ELAVL2: variants seen among roughly 807,000 people sequenced by gnomAD.
The protein encoded by ELAVL2 is ELAV-like protein 2.
In ELAVL2, 4 loss-of-function variants were observed where a neutral mutation model predicts 34.6. The ratio of observed to expected loss-of-function variants is 0.12; its 90% CI spans 0.06 to 0.26. The LOEUF is 0.26. ELAVL2 is among the 10% of genes least tolerant of loss of function. The pLI, the probability that ELAVL2 is intolerant of heterozygous loss-of-function variation, is 1.00. For missense variants in ELAVL2, 432 were observed against 442.8 expected (o/e 0.98, Z 0.22); for synonymous variants, 193 against 154.8 (o/e 1.25, Z -1.83).
chr9:23,733,816 A>G (rs979754157), intron 2 of ELAVL2, among the ~76,000 whole-genome samples: 16 of 152,322 alleles, frequency 1.1e-4, no homozygotes, highest in African/African-American at 3.8e-4. Flanking sequence ...TTATTTAACC[A>G]AAGGTATTAT....
At chr9:23,779,478 CTGGCTTCCTTA>C (rs1394340669) in intron 1 of ELAVL2, 1 of 905,920 alleles carries the variant, frequency 1.1e-6, no homozygotes, top group Non-Finnish European at 1.3e-6. Context: ...GGGCTTCCTT[CTGGCTTCCTTA>C]GACTCAGAAA....
intron 1 of ELAVL2, among the ~76,000 whole-genome samples, chr9:23,804,756 G>T (rs1224956557): frequency 6.6e-6 from 1 of 152,148 alleles, no homozygotes; most frequent in South Asian, 2.1e-4. Flanking sequence ...CAGCAGTGTA[G>T]AGAGGGCACT....
At chr9:23,815,881 A>G (rs546861629) in intron 1 of ELAVL2, among the ~76,000 whole-genome samples, 1 of 152,304 alleles carries the variant, frequency 6.6e-6, no homozygotes, top group Admixed American at 6.5e-5. Flanking sequence ...AATGGATTTT[A>G]AAACAAACTA....
intron 3 of ELAVL2, among the ~76,000 whole-genome samples, chr9:23,717,131 T>C (rs2042515345): frequency 6.6e-6 from 1 of 152,312 alleles, no homozygotes; most frequent in East Asian, 1.9e-4. Flanking sequence ...GTACTATAAC[T>C]AGAAGAAAAA....
chr9:23,705,387 T>A (rs1266989838), intron 3 of ELAVL2, among the ~76,000 whole-genome samples: 1 of 152,194 alleles, frequency 6.6e-6, no homozygotes, highest in Non-Finnish European at 1.5e-5. Flanking sequence ...GGGTCTGGGA[T>A]CAATTTGCGG....
At chr9:23,725,729 AAAG>A (rs759139530) in intron 3 of ELAVL2, among the ~76,000 whole-genome samples, 38 of 152,302 alleles carry the variant, frequency 2.5e-4, no homozygotes, top group Non-Finnish European at 4.9e-4. Context: ...TTCAAGAGTG[AAAG>A]AAGAAGGCAA....
chr9:23,779,164 C>A, intron 1 of ELAVL2: 1 of 983,098 alleles, frequency 1.0e-6, no homozygotes, highest in Non-Finnish European at 1.2e-6. Flanking sequence ...TCATGACAAA[C>A]CACAAATTGT....
Position 23,790,688 on chromosome 9 carries a change from C to G in ELAVL2, c.-15-28439G>C, listed in dbSNP as rs1316559865. Among the ~76,000 whole-genome samples, 3 of 152,208 alleles carry G rather than the reference C, an allele frequency of 2.0e-5. No individual in the cohort carries two copies. In the East Asian group the frequency reaches 5.8e-4, roughly 29 times the overall value. ...ACTATAAACTGACTATCTAATGTAA[C>G]TAGGCATTAGCCATTCATCCCAGAG... On this transcript the variant is annotated intron_variant, in intron 1 of 6. Transcript: ENST00000397312.
intron 2 of ELAVL2, among the ~76,000 whole-genome samples, chr9:23,752,964 C>T (rs2052529342): frequency 6.6e-6 from 1 of 152,142 alleles, no homozygotes; most frequent in African/African-American, 2.4e-5. Context: ...ACACTTAGAG[C>T]AGCAAATGCT....
intron 1 of ELAVL2, chr9:23,779,214 G>T (rs2058696753): frequency 1.0e-6 from 1 of 985,424 alleles, no homozygotes; most frequent in Non-Finnish European, 1.2e-6. Context: ...GGAAGGAACT[G>T]AAGGGTAAAT....
intron 3 of ELAVL2, among the ~76,000 whole-genome samples, chr9:23,707,285 A>T (rs773374220): frequency 6.6e-6 from 1 of 152,246 alleles, no homozygotes; most frequent in Admixed American, 6.5e-5. Flanking sequence ...ATATGAATCA[A>T]TGAAAACTTA....
intron 2 of ELAVL2, among the ~76,000 whole-genome samples, chr9:23,739,405 C>A (rs2048625498): frequency 6.6e-6 from 1 of 152,120 alleles, no homozygotes; most frequent in African/African-American, 2.4e-5. Flanking sequence ...GAAAGTCATA[C>A]CTGACAGTTC....
intron 2 of ELAVL2, among the ~76,000 whole-genome samples, chr9:23,753,336 C>T (rs1329474051): frequency 3.3e-5 from 5 of 151,980 alleles, no homozygotes; most frequent in African/African-American, 1.2e-4. Flanking sequence ...CTCCAATAAT[C>T]AACTATTCTG....
At chr9:23,808,381 A>G (rs986293808) in intron 1 of ELAVL2, among the ~76,000 whole-genome samples, 36 of 152,200 alleles carry the variant, frequency 2.4e-4, no homozygotes, top group African/African-American at 8.4e-4. Context: ...TACCTAAGGT[A>G]GTATATGTGG....
intron 2 of ELAVL2, among the ~76,000 whole-genome samples, chr9:23,761,103 T>C (rs2135983595): frequency 6.6e-6 from 1 of 152,222 alleles, no homozygotes; most frequent in East Asian, 1.9e-4. Context: ...TCACACTGCC[T>C]TTAAGTATCT....
At chr9:23,702,354 G>A (rs1004391036) in intron 4 of ELAVL2, among the ~76,000 whole-genome samples, 1 of 152,052 alleles carries the variant, frequency 6.6e-6, no homozygotes, top group Non-Finnish European at 1.5e-5. Context: ...GACTACAGAA[G>A]ATCACTCCCT....
At chr9:23,811,588 G>C (rs1051806687) in intron 1 of ELAVL2, among the ~76,000 whole-genome samples, 2 of 152,188 alleles carry the variant, frequency 1.3e-5, no homozygotes, top group Non-Finnish European at 2.9e-5. Flanking sequence ...AAGGGAGGAA[G>C]TCAAAAAAGT....
intron 2 of ELAVL2, among the ~76,000 whole-genome samples, chr9:23,750,212 T>C (rs2051576130): frequency 6.6e-6 from 1 of 152,062 alleles, no homozygotes; most frequent in Non-Finnish European, 1.5e-5. Context: ...TATTCTACTT[T>C]TAAGTAGCAC....
chr9:23,723,572 T>TA (rs948935109), intron 3 of ELAVL2, among the ~76,000 whole-genome samples: 35 of 144,470 alleles, frequency 2.4e-4, no homozygotes, highest in South Asian at 6.6e-4. Flanking sequence ...AATAATAATT[T>TA]AAAAAAAAAA....
Sources: allele counts gnomAD v4.1 joint callset (sites outside exome capture counted in the v4.1 genomes callset), GRCh38; gene constraint gnomAD v4.1.1; transcripts MANE v1.5; gene names NCBI Gene and HGNC (gene_info 2026-07-23, HGNC 2026-07-21).